Variants in DMTN observed in about 807,000 individuals in gnomAD.
DMTN encodes the protein dematin.
DMTN carries 27 observed loss-of-function variants against 59.4 expected under a neutral mutation model. That is an observed-to-expected ratio of 0.45 (90% confidence interval 0.33 to 0.63). The LOEUF (loss-of-function observed/expected upper bound fraction) is 0.63, where lower values mean the gene tolerates loss of function less well. Among genes scored for constraint, DMTN ranks in the 20% least tolerant of loss-of-function variants. The probability of loss-of-function intolerance (pLI) is 0.02; values close to 1 mark genes in which losing one functional copy is unlikely to be tolerated. For missense variants in DMTN, 451 were observed against 528.9 expected (o/e 0.85, Z 1.45); for synonymous variants, 221 against 203.7 (o/e 1.08, Z -0.72).
intron 9 of DMTN, among the ~76,000 whole-genome samples, chr8:22,073,193 A>C (rs969535353): frequency 6.6e-6 from 1 of 152,210 alleles, no homozygotes; most frequent in African/African-American, 2.4e-5. Context: ...CCTGGCTTTC[A>C]AGGGTGGCCA....
chr8:22,069,298 G>C (rs1813299014), intron 5 of DMTN, 121 bp from the exon 6 acceptor site: 3 of 949,428 alleles, frequency 3.2e-6, no homozygotes, highest in Non-Finnish European at 4.7e-6. Flanking sequence ...ACATTGCCCT[G>C]GGTTTGGAGG....
chr8:22,066,973 A>C (rs1299441416), intron 2 of DMTN, 80 bp downstream of exon 2: 1 of 1,238,976 alleles, frequency 8.1e-7, no homozygotes, highest in African/African-American at 1.6e-5. Flanking sequence ...CCTGGTGGCC[A>C]CCCGCCGCGC....
At chr8:22,064,807 C>A (rs765644267) in intron 1 of DMTN, among the ~76,000 whole-genome samples, 1 of 152,140 alleles carries the variant, frequency 6.6e-6, no homozygotes, top group Non-Finnish European at 1.5e-5. Context: ...TCCAAACAGA[C>A]TTGAGAATCT....
Position 22,072,562 on chromosome 8 carries a change from C to G in DMTN, c.729+112C>G, listed in dbSNP as rs1816450826. On this transcript the variant is annotated intron_variant, in intron 9 of 15. Coordinates refer to ENST00000358242, the MANE Select transcript of DMTN (RefSeq NM_001387751.1). ...TCACTGCAACCTCCGCTCCCAGGTT[C>G]AAGTGATTCTCCTGCCTCAACCTCT... 4 of 1,093,108 alleles carry G rather than the reference C, an allele frequency of 3.7e-6. No homozygotes were observed. In the Middle Eastern group the frequency reaches 1.2e-3, roughly 325 times the overall value. 67.7% of individuals were successfully genotyped at this position (1,093,108 alleles called of 1,614,324 possible).
chr8:22,066,500 C>T (rs1035061883), intron 1 of DMTN: 2 of 164,210 alleles, frequency 1.2e-5, no homozygotes, highest in Admixed American at 1.3e-4. Context: ...CCCCTGCCGT[C>T]ATTTCCTTTG....
chr8:22,080,259 C>A lies in DMTN; in HGVS notation c.900+15C>A. The A allele has an allele frequency of 6.2e-7, 1 of 1,614,182 alleles. No homozygotes were observed. The highest frequency in any genetic ancestry group is 1.7e-5 in the Admixed American group (1 of 60,036). ...CCCTGAGCCGGGTAAGGTCTCAGGA[C>A]CAGAGATATAGACTACGTGGGAGGA... On this transcript the variant is annotated intron_variant, in intron 11 of 15. Transcript: ENST00000358242.
chr8:22,049,819 G>C (rs1232453342), upstream of DMTN, among the ~76,000 whole-genome samples: 1 of 152,140 alleles, frequency 6.6e-6, no homozygotes. Flanking sequence ...GGGGATTATG[G>C]AGAGAGAAGG....
At chr8:22,065,693 A>C (rs566262736) in intron 1 of DMTN, among the ~76,000 whole-genome samples, 2 of 152,056 alleles carry the variant, frequency 1.3e-5, no homozygotes, top group East Asian at 3.9e-4. Context: ...AAATACAAAA[A>C]TTAGCCAGGC....
intron 10 of DMTN, among the ~76,000 whole-genome samples, chr8:22,076,841 G>A (rs886951159): frequency 2.0e-5 from 3 of 152,098 alleles, no homozygotes; most frequent in Non-Finnish European, 2.9e-5. Context: ...GAATGTGTGG[G>A]AGGCTGGCCT....
intron 10 of DMTN, among the ~76,000 whole-genome samples, chr8:22,078,171 C>T (rs993205046): frequency 7.9e-5 from 12 of 151,742 alleles, no homozygotes; most frequent in South Asian, 6.3e-4. Context: ...TCAAGACCAG[C>T]ATGGCCAACA....
At chr8:22,070,373 AACTCCTGC>A (rs1396930490) in intron 8 of DMTN, 39 bp downstream of exon 8, 4 of 1,563,558 alleles carry the variant, frequency 2.6e-6, no homozygotes. Flanking sequence ...TGGTCTGGGA[AACTCCTGC>A]ACTCCCTCCC....
chr8:22,069,134 C>A (rs1813137125), intron 5 of DMTN, 74 bp downstream of exon 5: 7 of 1,532,898 alleles, frequency 4.6e-6, no homozygotes, highest in Middle Eastern at 1.7e-4. Context: ...CCTCACACAT[C>A]AGACCAAGCT....
chr8:22,057,032 A>G lies in DMTN; in HGVS notation c.-276A>G, dbSNP rs1212859268. ...GCGCCGCGGGGTTCCTGGAAGAGAC[A>G]CCTATTACCTAGGCTCCTGGGGGAA... On this transcript the variant is annotated 5_prime_UTR_variant, in exon 1 of 16. Transcript: ENST00000358242. 6.9e-6 allele frequency: 1 copy of G among 145,168 alleles called. No individual in the cohort carries two copies. The highest frequency in any genetic ancestry group is 2.6e-5 in the African/African-American group (1 of 39,170). 9.0% of individuals were successfully genotyped at this position (145,168 alleles called of 1,614,324 possible). A position where few individuals can be genotyped will look rare whatever the true frequency, so the allele number is the denominator to read the frequency against.
chr8:22,079,978 G>C (rs774999653), intron 10 of DMTN, among the ~76,000 whole-genome samples: 4 of 152,158 alleles, frequency 2.6e-5, no homozygotes, highest in Non-Finnish European at 5.9e-5. Flanking sequence ...GATGGTGGTA[G>C]AGACAGCTGA....
intron 4 of DMTN, among the ~76,000 whole-genome samples, chr8:22,068,037 A>G (rs961912592): frequency 7.9e-5 from 12 of 152,212 alleles, no homozygotes; most frequent in African/African-American, 2.7e-4. Context: ...ACCCTCGTGT[A>G]AAATAGAGGT....
chr8:22,061,075 C>G (rs958321221), intron 1 of DMTN, among the ~76,000 whole-genome samples: 1 of 150,698 alleles, frequency 6.6e-6, no homozygotes, highest in African/African-American at 2.4e-5. Context: ...AATTCGACAC[C>G]AGGTTGGGCA....
chr8:22,067,827 A>AGTCC, intron 4 of DMTN, 145 bp downstream of exon 4: 4 of 961,612 alleles, frequency 4.2e-6, no homozygotes, highest in Admixed American at 2.7e-5. Flanking sequence ...CCAACCAGTC[A>AGTCC]GTCCATCCGG....
chr8:22,064,591 T>C (rs1173345536), intron 1 of DMTN, among the ~76,000 whole-genome samples: 1 of 152,200 alleles, frequency 6.6e-6, no homozygotes, highest in East Asian at 1.9e-4. Flanking sequence ...CCTGAGTAGC[T>C]GGGACTACAG....
upstream of DMTN, among the ~76,000 whole-genome samples, chr8:22,049,791 T>A (rs545192332): frequency 1.4e-4 from 21 of 152,264 alleles, no homozygotes; most frequent in African/African-American, 5.1e-4. Context: ...CTCTTCTTTC[T>A]GAGACTACCT....
Sources: allele counts gnomAD v4.1 joint callset (sites outside exome capture counted in the v4.1 genomes callset), GRCh38; gene constraint gnomAD v4.1.1; transcripts MANE v1.5; gene names NCBI Gene and HGNC (gene_info 2026-07-23, HGNC 2026-07-21).